The following HMCN1 variants were observed in gnomAD, a reference collection of about 807,000 sequenced individuals.
The protein encoded by HMCN1 is hemicentin 1.
A neutral mutation model predicts 625.9 loss-of-function variants in HMCN1; 321 were observed. That is an observed-to-expected ratio of 0.51 (90% CI 0.47 to 0.56). The LOEUF is 0.56. Ranked by LOEUF, HMCN1 falls within the 20% of genes least tolerant of loss-of-function variation. The pLI is 0.00. For synonymous variants in HMCN1, 2,425 were observed against 2,417.6 expected, an observed-to-expected ratio of 1.00 and a Z score of -0.09; for missense variants, 6,588 against 6,887.3, an observed-to-expected ratio of 0.96 and a Z score of 1.54.
At chr1:186,016,340 G>C in intron 32 of HMCN1, 101 bp downstream of exon 32, 1 of 1,141,346 alleles carries the variant, frequency 8.8e-7, no homozygotes, top group South Asian at 1.5e-5. Context: ...CAATCTAAAA[G>C]AAGGTATAGT....
intron 11 of HMCN1, among the ~76,000 whole-genome samples, chr1:185,958,462 A>T (rs1649776851): frequency 6.6e-6 from 1 of 152,176 alleles, no homozygotes; most frequent in Non-Finnish European, 1.5e-5. Flanking sequence ...AAGTGTGAGG[A>T]TTGTGGTGAT....
chr1:185,745,053 A>C (rs1159592748), intron 1 of HMCN1, among the ~76,000 whole-genome samples: 2 of 152,336 alleles, frequency 1.3e-5, no homozygotes, highest in Middle Eastern at 3.4e-3. Flanking sequence ...ATCTAAAAAA[A>C]AAGAAATATA....
intron 41 of HMCN1, among the ~76,000 whole-genome samples, chr1:186,047,578 C>T (rs1028713268): frequency 2.0e-5 from 3 of 152,132 alleles, no homozygotes; most frequent in African/African-American, 7.2e-5. Context: ...CTGGTACACA[C>T]TAGGTGCTCA....
intron 2 of HMCN1, among the ~76,000 whole-genome samples, chr1:185,859,812 T>C (rs376626389): frequency 1.3e-5 from 2 of 151,986 alleles, no homozygotes; most frequent in Non-Finnish European, 2.9e-5. Context: ...ACTAGGCACA[T>C]GTTGCCATGC....
chr1:186,054,850 C>T (rs1367895543), intron 44 of HMCN1, among the ~76,000 whole-genome samples: 1 of 151,916 alleles, frequency 6.6e-6, no homozygotes, highest in African/African-American at 2.4e-5. Flanking sequence ...TGGTATCTTT[C>T]CCTTTTATTA....
chr1:185,863,731 A>G (rs1463435706), intron 2 of HMCN1, among the ~76,000 whole-genome samples: 1 of 152,252 alleles, frequency 6.6e-6, no homozygotes, highest in African/African-American at 2.4e-5. Context: ...TTAGGAAAAC[A>G]TATTGAGCCT....
chr1:186,000,959 C>A (rs1337777968), intron 26 of HMCN1, among the ~76,000 whole-genome samples: 2 of 151,916 alleles, frequency 1.3e-5, no homozygotes, highest in African/African-American at 4.8e-5. Context: ...GCAATATTCA[C>A]CCTCATCAAC....
chr1:186,013,477 A>G (rs1272104003), intron 30 of HMCN1, among the ~76,000 whole-genome samples: 1 of 152,176 alleles, frequency 6.6e-6, no homozygotes, highest in Non-Finnish European at 1.5e-5. Flanking sequence ...GTGTACATAA[A>G]TGTTTGTCAG....
intron 105 of HMCN1, among the ~76,000 whole-genome samples, chr1:186,187,571 C>G (rs1431591688): frequency 1.3e-5 from 2 of 152,268 alleles, no homozygotes; most frequent in East Asian, 3.9e-4. Context: ...CTTTATAAAA[C>G]TCAAATGCAA....
chr1:186,010,735 T>C (rs1161079180), intron 30 of HMCN1, among the ~76,000 whole-genome samples: 1 of 152,180 alleles, frequency 6.6e-6, no homozygotes, highest in African/African-American at 2.4e-5. Flanking sequence ...AATTTGTTAA[T>C]TAATTACCGA....
At position 186,189,607 on chromosome 1, in the gene HMCN1, C is replaced by A; in HGVS notation, c.16637C>A (p.Ala5546Asp). The change falls in exon 107 of 107, where the codon GCC becomes GAC. Residue 5546 changes from alanine (A) to aspartate (D), a missense_variant. Physicochemically the swap from Ala to Asp is moderately radical, Grantham distance 126. Coordinates refer to ENST00000271588, the MANE Select transcript of HMCN1 (RefSeq NM_031935.3). ...YKLVSLPFGI[A>D]TNQDLIRLVA... ...CTCGTCTCCCTCCCATTTGGAATAG[C>A]CACCAATCAAGATTTAATCCGGCTG... is the stretch of plus-strand genomic sequence containing the variant. 6.2e-7 allele frequency: 1 copy of A among 1,613,260 alleles called. No individual in the cohort carries two copies.
chr1:185,912,393 T>C (rs1666472326), intron 6 of HMCN1, among the ~76,000 whole-genome samples: 1 of 152,342 alleles, frequency 6.6e-6, no homozygotes, highest in South Asian at 2.1e-4. Context: ...CAACGTGGTA[T>C]TTATATCCTA....
In HMCN1 at chr1:186,148,054, T is replaced by C. The variant is rs188060469; in HGVS notation, c.14608+2131T>C. On this transcript the variant is annotated intron_variant, in intron 93 of 106. Transcript: ENST00000271588. ...ACTTTCAAAGTTTGGGTCAATCCTC[T>C]CAAATCCTGCCACTGCTTTATCAAC... 2.3e-3 allele frequency among the ~76,000 whole-genome samples: 350 copies of C among 152,352 alleles called. 1 individual carries two copies. The highest frequency in any genetic ancestry group is 8.1e-3 in the African/African-American group (336 of 41,592).
intron 1 of HMCN1, among the ~76,000 whole-genome samples, chr1:185,834,741 C>T (rs920220308): frequency 3.9e-5 from 6 of 151,976 alleles, no homozygotes; most frequent in African/African-American, 1.2e-4. Context: ...AATTGCAGGC[C>T]GTTTTAGAGG....
intron 1 of HMCN1, 78 bp downstream of exon 1, chr1:185,735,125 G>A: frequency 1.3e-6 from 2 of 1,482,356 alleles, no homozygotes; most frequent in South Asian, 2.3e-5. Context: ...GAAATTGTTT[G>A]TCAGGAAGTT....
rs1337668485 is a variant in HMCN1, at chr1:185,936,848, A to G, written c.1828+3024A>G. Reference sequence around the variant, plus strand: ...CTGGGCAAGGAGCCATGTACATCAGACTCTCACTCAGCTGCAGAGCTGAAA... The same window carrying G: ...CTGGGCAAGGAGCCATGTACATCAGGCTCTCACTCAGCTGCAGAGCTGAAA... On this transcript the variant is annotated intron_variant, in intron 11 of 106. Coordinates refer to ENST00000271588, the MANE Select transcript of HMCN1 (RefSeq NM_031935.3). Among the ~76,000 whole-genome samples the G allele has an allele frequency of 2.0e-5, 3 of 152,286 alleles. No homozygotes were observed. In the East Asian group the frequency reaches 5.8e-4, roughly 29 times the overall value.
At chr1:185,775,083 C>T (rs918140389) in intron 1 of HMCN1, among the ~76,000 whole-genome samples, 25 of 152,198 alleles carry the variant, frequency 1.6e-4, no homozygotes, top group African/African-American at 5.5e-4. Context: ...TTCGGAGATG[C>T]TAAGGGCAGA....
At chr1:186,187,848 C>T in intron 105 of HMCN1, 35 bp from the exon 106 acceptor site, 1 of 1,613,312 alleles carries the variant, frequency 6.2e-7, no homozygotes, top group East Asian at 2.2e-5. Flanking sequence ...CTCACCCTCA[C>T]TGCTGATGCT....
chr1:185,974,581 G>C (rs1026450573), intron 15 of HMCN1, among the ~76,000 whole-genome samples: 2 of 152,090 alleles, frequency 1.3e-5, no homozygotes, highest in Non-Finnish European at 2.9e-5. Context: ...CTTCCCCATA[G>C]TTTCATTAAT....
Sources: gnomAD v4.1 joint callset for allele counts (sites outside exome capture counted in the v4.1 genomes callset) on GRCh38, gnomAD v4.1.1 for gene constraint, MANE v1.5 for transcripts, NCBI Gene and HGNC (gene_info 2026-07-23, HGNC 2026-07-21) for gene names.